Variants in ALG6 observed in about 807,000 individuals in gnomAD.
ALG6 encodes the protein dolichyl pyrophosphate Man9GlcNAc2 alpha-1,3-glucosyltransferase.
In ALG6, 46 loss-of-function variants were observed where a neutral mutation model predicts 66.6. The observed-to-expected ratio is 0.69, with a 90% CI of 0.55 to 0.88. ALG6 has a LOEUF of 0.88. Among genes scored for constraint, ALG6 ranks in the 40% least tolerant of loss-of-function variants. ALG6 has a pLI of 0.00. For synonymous variants in ALG6, 185 were observed against 203.7 expected (o/e 0.91, Z 0.78); for missense variants, 505 against 586.8 (o/e 0.86, Z 1.44).
intron 3 of ALG6, 130 bp downstream of exon 3, chr1:63,396,727 G>GC (rs1648835782): frequency 1.2e-6 from 1 of 807,066 alleles, no homozygotes; most frequent in Admixed American, 2.1e-5. Flanking sequence ...TGCCACATAT[G>GC]TATTGCCTTG....
intron 2 of ALG6, among the ~76,000 whole-genome samples, chr1:63,378,646 T>C (rs1396846333): frequency 6.6e-6 from 1 of 152,200 alleles, no homozygotes; most frequent in East Asian, 1.9e-4. Flanking sequence ...CTTCCCCTCA[T>C]TGACTTTATA....
chr1:63,404,599 C>A, intron 5 of ALG6, 58 bp downstream of exon 5: 2 of 1,369,320 alleles, frequency 1.5e-6, no homozygotes, highest in Non-Finnish European at 2.1e-6. Flanking sequence ...TTTGGACAAA[C>A]TGGTAAAGGT....
At chr1:63,393,011 G>A (rs932568737) in intron 2 of ALG6, among the ~76,000 whole-genome samples, 1 of 152,156 alleles carries the variant, frequency 6.6e-6, no homozygotes, top group African/African-American at 2.4e-5. Context: ...TTGACCACAA[G>A]TCTAGAGCAA....
chr1:63,389,620 T>TCCG (rs1648608955), intron 2 of ALG6, among the ~76,000 whole-genome samples: 1 of 152,208 alleles, frequency 6.6e-6, no homozygotes, highest in Non-Finnish European at 1.5e-5. Context: ...TTTTTCTGGA[T>TCCG]GGTCTTAATG....
intron 2 of ALG6, 45 bp from the exon 3 acceptor site, chr1:63,396,468 T>C (rs1648828936): frequency 2.7e-6 from 4 of 1,496,562 alleles, no homozygotes; most frequent in African/African-American, 1.4e-5. Flanking sequence ...ATCACTGATA[T>C]GCTAAAGTAC....
intron 12 of ALG6, among the ~76,000 whole-genome samples, chr1:63,423,405 G>T (rs1644598627): frequency 6.6e-6 from 1 of 152,074 alleles, no homozygotes; most frequent in East Asian, 1.9e-4. Context: ...ATGTTACATT[G>T]TCAATTAGTA....
chr1:63,379,213 T>A (rs1269619850), intron 2 of ALG6, among the ~76,000 whole-genome samples: 1 of 152,202 alleles, frequency 6.6e-6, no homozygotes, highest in African/African-American at 2.4e-5. Context: ...GGCTTGAGTT[T>A]CCTGTGCATT....
intron 12 of ALG6, among the ~76,000 whole-genome samples, chr1:63,422,002 A>G (rs1644576063): frequency 6.9e-6 from 1 of 144,518 alleles, no homozygotes; most frequent in Non-Finnish European, 1.5e-5. Flanking sequence ...CATGTATCCC[A>G]GAACTTAAAG....
intron 12 of ALG6, 27 bp downstream of exon 12, chr1:63,419,467 T>C (rs1290523119): frequency 6.9e-7 from 1 of 1,459,356 alleles, no homozygotes; most frequent in South Asian, 1.2e-5. Context: ...GAAATATGTG[T>C]TTATTTGTTT....
intron 12 of ALG6, among the ~76,000 whole-genome samples, chr1:63,423,618 T>C (rs1254965782): frequency 6.6e-6 from 1 of 152,224 alleles, no homozygotes; most frequent in East Asian, 1.9e-4. Flanking sequence ...ATATGTGGTC[T>C]TTTGTGTCTA....
At chr1:63,400,332 T>C (rs1450106763) in intron 3 of ALG6, among the ~76,000 whole-genome samples, 1 of 18,692 alleles carries the variant, frequency 5.3e-5, no homozygotes, top group African/African-American at 3.7e-4. Context: ...TATATATATA[T>C]ATACGTATAT....
chr1:63,428,673 C>A, intron 12 of ALG6, 60 bp from the exon 13 acceptor site: 1 of 1,213,356 alleles, frequency 8.2e-7, no homozygotes, highest in South Asian at 1.4e-5. Context: ...ATATTTTTTA[C>A]AATTAGGAGT....
At chr1:63,372,559 CAT>C (rs1379149798) in intron 2 of ALG6, among the ~76,000 whole-genome samples, 5 of 150,466 alleles carry the variant, frequency 3.3e-5, no homozygotes, top group South Asian at 2.1e-4. Context: ...TATACACAGA[CAT>C]ATATATGGAT....
At chr1:63,428,888 T>C in intron 13 of ALG6, 40 bp from the exon 14 acceptor site, 4 of 1,596,296 alleles carry the variant, frequency 2.5e-6, no homozygotes, top group Non-Finnish European at 3.4e-6. Context: ...TGGTTTGAAT[T>C]GATAATTCTC....
rs376392746 is a variant in ALG6, at chr1:63,380,363, A to G, written c.82+9304A>G. 1.8e-4 allele frequency among the ~76,000 whole-genome samples: 27 copies of G among 152,300 alleles called. No individual in the cohort carries two copies. In the South Asian group the frequency reaches 5.2e-3, roughly 29 times the overall value. Reference sequence around the variant, plus strand: ...GTTTGTTCGTGAACGGAAGAAAGGAAGTAGTTTGGTGGCTGAAGTGGGGGA... The same window carrying G: ...GTTTGTTCGTGAACGGAAGAAAGGAGGTAGTTTGGTGGCTGAAGTGGGGGA... On this transcript the variant is annotated intron_variant, in intron 2 of 14. Transcript: ENST00000263440.
chr1:63,394,435 A>T (rs1276324319), intron 2 of ALG6, among the ~76,000 whole-genome samples: 1 of 151,474 alleles, frequency 6.6e-6, no homozygotes, highest in Non-Finnish European at 1.5e-5. Context: ...GCTGGAGTGC[A>T]GTGGCGCAAT....
intron 10 of ALG6, 109 bp downstream of exon 10, chr1:63,414,255 C>CT (rs375709990): frequency 0.1 from 62,439 of 595,654 alleles, 1 homozygote; most frequent in Middle Eastern, 0.12. Flanking sequence ...TTTTTCTTTT[C>CT]TTTTTTTTTT....
At chr1:63,405,355 A>C (rs903185019) in intron 5 of ALG6, among the ~76,000 whole-genome samples, 1 of 152,140 alleles carries the variant, frequency 6.6e-6, no homozygotes, top group Non-Finnish European at 1.5e-5. Flanking sequence ...GAGACAGTCT[A>C]TTCTGTTTTC....
chr1:63,400,889 A>G (rs1226532629), intron 3 of ALG6, among the ~76,000 whole-genome samples: 1 of 152,202 alleles, frequency 6.6e-6, no homozygotes, highest in Non-Finnish European at 1.5e-5. Flanking sequence ...ATAAAACTTT[A>G]TGCTATATAG....
Sources: gnomAD v4.1 joint callset for allele counts (sites outside exome capture counted in the v4.1 genomes callset) on GRCh38, gnomAD v4.1.1 for gene constraint, MANE v1.5 for transcripts, NCBI Gene and HGNC (gene_info 2026-07-23, HGNC 2026-07-21) for gene names.